Variants in ROR1 observed in about 807,000 individuals in gnomAD.
The protein encoded by ROR1 is inactive tyrosine-protein kinase transmembrane receptor ROR1.
Under a neutral mutation model 78.8 loss-of-function variants are expected in ROR1, and 19 were observed. The observed-to-expected ratio is 0.24, with a 90% CI of 0.17 to 0.35. The LOEUF (loss-of-function observed/expected upper bound fraction) is 0.35. Ranked by LOEUF, ROR1 falls within the 10% of genes least tolerant of loss-of-function variation. ROR1 has a pLI of 1.00. For synonymous variants in ROR1, 386 were observed against 433.6 expected, an observed-to-expected ratio of 0.89 and a Z score of 1.36; for missense variants, 917 against 1,177.8, an observed-to-expected ratio of 0.78 and a Z score of 3.24.
At chr1:63,799,558 C>G (rs1644782877) in intron 1 of ROR1, among the ~76,000 whole-genome samples, 1 of 151,918 alleles carries the variant, frequency 6.6e-6, no homozygotes, top group Non-Finnish European at 1.5e-5. Flanking sequence ...TTGTTTATAG[C>G]TCTTAGTTCC....
chr1:63,881,040 A>G (rs1249843185), intron 1 of ROR1, among the ~76,000 whole-genome samples: 1 of 152,192 alleles, frequency 6.6e-6, no homozygotes, highest in African/African-American at 2.4e-5. Flanking sequence ...GATTAAATGT[A>G]GATCTAAAAT....
At chr1:63,959,434 T>C (rs1451734741) in intron 1 of ROR1, among the ~76,000 whole-genome samples, 2 of 152,128 alleles carry the variant, frequency 1.3e-5, no homozygotes, top group African/African-American at 4.8e-5. Context: ...TTTCACCGAG[T>C]GCTGACATAT....
At chr1:63,962,476 G>C (rs1418085482) in intron 1 of ROR1, among the ~76,000 whole-genome samples, 4 of 152,224 alleles carry the variant, frequency 2.6e-5, no homozygotes, top group Non-Finnish European at 4.4e-5. Context: ...TAAGTACCTG[G>C]AGATGTAAGT....
intron 1 of ROR1, among the ~76,000 whole-genome samples, chr1:63,962,028 G>A (rs1646033612): frequency 6.6e-6 from 1 of 152,178 alleles, no homozygotes; most frequent in South Asian, 2.1e-4. Context: ...GAGAGGCCCA[G>A]GCAGGAGGAT....
At chr1:63,915,500 A>T (rs1645602133) in intron 1 of ROR1, among the ~76,000 whole-genome samples, 1 of 152,180 alleles carries the variant, frequency 6.6e-6, no homozygotes, top group African/African-American at 2.4e-5. Context: ...ACATGAATAA[A>T]TGCTTAGTGG....
chr1:64,161,006 A>C (rs909557122), intron 8 of ROR1, among the ~76,000 whole-genome samples: 3 of 152,186 alleles, frequency 2.0e-5, no homozygotes, highest in Non-Finnish European at 4.4e-5. Flanking sequence ...ATTGAATTAC[A>C]TTTTTAGTGG....
intron 4 of ROR1, among the ~76,000 whole-genome samples, chr1:64,130,802 T>C (rs1020187169): frequency 3.3e-5 from 5 of 152,240 alleles, no homozygotes; most frequent in Non-Finnish European, 7.3e-5. Context: ...AATTTTATAA[T>C]GTAGCCCCAT....
chr1:63,876,155 G>T (rs969094993), intron 1 of ROR1, among the ~76,000 whole-genome samples: 1 of 152,070 alleles, frequency 6.6e-6, no homozygotes, highest in South Asian at 2.1e-4. Context: ...AATTTTATGG[G>T]TTTCAAAATC....
chr1:63,949,025 T>C (rs985432330), intron 1 of ROR1, among the ~76,000 whole-genome samples: 4 of 152,184 alleles, frequency 2.6e-5, no homozygotes, highest in Non-Finnish European at 4.4e-5. Context: ...TTCTGTGACA[T>C]TGTACAATAT....
intron 1 of ROR1, among the ~76,000 whole-genome samples, chr1:63,884,466 A>C (rs1433403275): frequency 1.3e-5 from 2 of 152,158 alleles, no homozygotes; most frequent in Non-Finnish European, 2.9e-5. Flanking sequence ...GACCCCTTTC[A>C]TTTTGGCAAT....
intron 2 of ROR1, among the ~76,000 whole-genome samples, chr1:64,038,099 A>T (rs1268672148): frequency 1.3e-5 from 2 of 152,112 alleles, no homozygotes; most frequent in Admixed American, 1.3e-4. Context: ...GGCCAAGGAG[A>T]GATGGGACAG....
Position 64,174,048 on chromosome 1 carries a change from C to G in ROR1, c.1387-3380C>G, listed in dbSNP as rs115219225. On this transcript the variant is annotated intron_variant, in intron 8 of 8. Transcript: ENST00000371079. ...AACAGGAAGAAAGTTAAACACTCTG[C>G]AACTACTTAAGGCTTAAATGGATCT... Among the ~76,000 whole-genome samples, 808 of 152,232 alleles carry G rather than the reference C, an allele frequency of 5.3e-3. 9 individuals are homozygous for G. Among genetic ancestry groups the G allele is most frequent in the African/African-American group, 0.017 (714 of 41,538 alleles).
intron 4 of ROR1, among the ~76,000 whole-genome samples, chr1:64,117,630 T>C (rs1208766684): frequency 1.3e-5 from 2 of 152,184 alleles, no homozygotes; most frequent in East Asian, 1.9e-4. Context: ...TGCATTATCA[T>C]ACAAAAACCC....
chr1:63,994,946 T>C (rs770800339), intron 1 of ROR1, among the ~76,000 whole-genome samples: 2 of 152,246 alleles, frequency 1.3e-5, no homozygotes, highest in Non-Finnish European at 2.9e-5. Flanking sequence ...CTGATAGCTG[T>C]GGGAGGAGGG....
At chr1:64,085,674 G>C (rs1409700394) in intron 4 of ROR1, among the ~76,000 whole-genome samples, 1 of 152,200 alleles carries the variant, frequency 6.6e-6, no homozygotes, top group Non-Finnish European at 1.5e-5. Flanking sequence ...AAGGAGGGCA[G>C]ACCTGGAGGT....
At chr1:63,882,326 C>T (rs1645328366) in intron 1 of ROR1, among the ~76,000 whole-genome samples, 1 of 152,084 alleles carries the variant, frequency 6.6e-6, no homozygotes, top group Non-Finnish European at 1.5e-5. Flanking sequence ...AAAAAAATAC[C>T]GATCCTTGAA....
chr1:63,897,651 G>A (rs1353510133), intron 1 of ROR1, among the ~76,000 whole-genome samples: 2 of 152,186 alleles, frequency 1.3e-5, no homozygotes, highest in African/African-American at 4.8e-5. Context: ...GACATCAGCA[G>A]CAGAAGGGCA....
intron 1 of ROR1, among the ~76,000 whole-genome samples, chr1:63,779,183 G>C (rs1338477514): frequency 6.6e-6 from 1 of 152,176 alleles, no homozygotes; most frequent in Non-Finnish European, 1.5e-5. Flanking sequence ...GGTTTGAGAA[G>C]TGTGCTCGCC....
rs530232444 is a variant in ROR1 at position 64,159,683 on chromosome 1, C to A, written c.1386+491C>A. Among the ~76,000 whole-genome samples the A allele has an allele frequency of 1.4e-4, 19 of 133,960 alleles. No individual in the cohort carries two copies. In the East Asian group the frequency reaches 4.4e-3, roughly 31 times the overall value. The allele number at this position is 133,960 out of a possible 152,430, so 87.9% of individuals were successfully genotyped here. A position where few individuals can be genotyped will look rare whatever the true frequency, so the allele number is the denominator to read the frequency against. ...TAAATTTTGTTGTGTTTTTTTACCA[C>A]GATTTAAAAAAAATCCTTTGTATGC... On this transcript the variant is annotated intron_variant, in intron 8 of 8. Coordinates refer to ENST00000371079, the MANE Select transcript of ROR1 (RefSeq NM_005012.4).
Sources: gnomAD v4.1 joint callset for allele counts (sites outside exome capture counted in the v4.1 genomes callset) on GRCh38, gnomAD v4.1.1 for gene constraint, MANE v1.5 for transcripts, NCBI Gene and HGNC (gene_info 2026-07-23, HGNC 2026-07-21) for gene names.